Variants in TSPAN14 observed in about 807,000 individuals in gnomAD.
The protein encoded by TSPAN14 is tetraspanin-14.
A neutral mutation model predicts 36.6 loss-of-function variants in TSPAN14; 16 were observed. That is an observed-to-expected ratio of 0.44 (90% CI 0.30 to 0.66). The LOEUF is 0.66. TSPAN14 is among the 30% of genes least tolerant of loss of function. TSPAN14 has a pLI of 0.12. For missense variants in TSPAN14, 231 were observed against 355.1 expected, an observed-to-expected ratio of 0.65 and a Z score of 2.81; for synonymous variants, 139 against 143.8, an observed-to-expected ratio of 0.97 and a Z score of 0.24.
Position 80,480,202 on chromosome 10 carries a change from A to G in TSPAN14, c.-17-9015A>G, listed in dbSNP as rs1279463475. Among the ~76,000 whole-genome samples, 26 of 150,786 alleles carry G rather than the reference A, an allele frequency of 1.7e-4. No individual in the cohort carries two copies. In the East Asian group the frequency reaches 3.9e-3, roughly 22 times the overall value. ...CTTAAGGAGCTTTTGGGCTGAGACA[A>G]TGGGGTTTTCTAGATATACAATCAT... On this transcript the variant is annotated intron_variant, in intron 1 of 8. Transcript: ENST00000429989.
At chr10:80,492,161 C>T (rs1240517636) in intron 2 of TSPAN14, among the ~76,000 whole-genome samples, 1 of 152,132 alleles carries the variant, frequency 6.6e-6, no homozygotes, top group Non-Finnish European at 1.5e-5. Flanking sequence ...AAGTGGAATG[C>T]CCAAGCCCTT....
intron 4 of TSPAN14, among the ~76,000 whole-genome samples, chr10:80,508,619 C>T (rs1006577286): frequency 7.2e-5 from 11 of 152,132 alleles, no homozygotes; most frequent in South Asian, 2.1e-4. Context: ...GGCAGCTGAG[C>T]TTCTGGAGGG....
At position 80,483,950 on chromosome 10, in the gene TSPAN14, A is replaced by C. The variant is rs888881124; in HGVS notation, c.-17-5267A>C. Among the ~76,000 whole-genome samples the C allele has an allele frequency of 3.2e-5, 4 of 125,582 alleles. No homozygotes were observed. The East Asian group carries it at 1.1e-3, about 34-fold the overall frequency. The allele number at this position is 125,582 out of a possible 152,430, so 82.4% of individuals were successfully genotyped here. On this transcript the variant is annotated intron_variant, in intron 1 of 8. Transcript: ENST00000429989. The stretch of plus-strand genomic sequence containing the variant: ...AAAAAAAAAAAAAAAAAAAAAAAAA[A>C]AGTGTAAAATAGGCCAGGCACGGTG...
At position 80,509,650 on chromosome 10, in the gene TSPAN14, G is replaced by A. The variant is rs1039910316; in HGVS notation, c.450+179G>A. 12 of 665,458 alleles carry A rather than the reference G, an allele frequency of 1.8e-5. No homozygotes were observed. The highest frequency in any genetic ancestry group is 2.9e-5 in the Non-Finnish European group (12 of 407,640). The allele number at this position is 665,458 out of a possible 1,614,324, so 41.2% of individuals were successfully genotyped here. On this transcript the variant is annotated intron_variant, in intron 5 of 8. Coordinates refer to ENST00000429989, the Ensembl canonical transcript of TSPAN14. This position sits in a 1 kb window ranked among gnomAD's most constrained non-coding sequence, Gnocchi z 4.7. ...GGTCTGTTCCACTTTGCCGGCTTGT[G>A]GTTGCCTGGTGGGCCAGCCCTTTCC... is the stretch of plus-strand genomic sequence containing the variant.
At chr10:80,508,282 A>AT (rs925317527) in intron 4 of TSPAN14, among the ~76,000 whole-genome samples, 31 of 150,676 alleles carry the variant, frequency 2.1e-4, no homozygotes, top group Non-Finnish European at 2.1e-4. Flanking sequence ...TGCCTGGCTA[A>AT]TTTTTTTTTG....
At chr10:80,516,209 G>A in exon 8 of TSPAN14, 1 of 1,614,226 alleles carries the variant, frequency 6.2e-7, no homozygotes, top group Non-Finnish European at 8.5e-7. Context: ...TGCAGCTGAA[G>A]AGCAAGTGGG....
In TSPAN14 at chr10:80,509,264, G is replaced by T. The variant is rs372755763; in HGVS notation, c.280-37G>T. 11 of 1,599,720 alleles carry T rather than the reference G, an allele frequency of 6.9e-6. No homozygotes were observed. The East Asian group carries it at 2.2e-4, about 32-fold the overall frequency. The stretch of plus-strand genomic sequence containing the variant: ...ATGTGTGTGGGGGTGCAGGCTGGTG[G>T]GGTGGTGACTTCTGCTCCCGTCCCC... On this transcript the variant is annotated intron_variant, in intron 4 of 8. Transcript: ENST00000429989. The surrounding 1 kb of genome is among the most constrained non-coding windows in gnomAD (Gnocchi z 4.7).
intron 1 of TSPAN14, among the ~76,000 whole-genome samples, chr10:80,473,256 G>GAGGTA (rs1846657628): frequency 6.6e-6 from 1 of 152,198 alleles, no homozygotes; most frequent in Non-Finnish European, 1.5e-5. Flanking sequence ...TGACAGCACT[G>GAGGTA]AGGTAGACAG....
chr10:80,458,279 T>G (rs181577466), intron 1 of TSPAN14, among the ~76,000 whole-genome samples: 228 of 152,152 alleles, frequency 1.5e-3, no homozygotes, highest in Middle Eastern at 3.4e-3. Context: ...TGGGATTGAG[T>G]GTGGGGCTAG....
At chr10:80,501,100 A>C (rs1246591510) in intron 2 of TSPAN14, among the ~76,000 whole-genome samples, 1 of 136,286 alleles carries the variant, frequency 7.3e-6, no homozygotes, top group Non-Finnish European at 1.5e-5. Context: ...GATGGAACTG[A>C]CGCTGTTTTT....
intron 2 of TSPAN14, among the ~76,000 whole-genome samples, chr10:80,496,775 TA>T (rs1470479184): frequency 3.3e-5 from 5 of 152,140 alleles, no homozygotes; most frequent in Admixed American, 1.3e-4. Flanking sequence ...TCTTCAATTC[TA>T]ATATTGTAGT....
chr10:80,460,866 C>T (rs1439877913), intron 1 of TSPAN14, among the ~76,000 whole-genome samples: 1 of 152,190 alleles, frequency 6.6e-6, no homozygotes, highest in East Asian at 1.9e-4. Flanking sequence ...CCTGGGCAAA[C>T]CAGTCTGACA....
At position 80,482,413 on chromosome 10, in the gene TSPAN14, A is replaced by C. The variant is rs1181000185; in HGVS notation, c.-17-6804A>C. Among the ~76,000 whole-genome samples the C allele has an allele frequency of 4.0e-5, 6 of 151,106 alleles. No homozygotes were observed. In the East Asian group the frequency reaches 1.2e-3, roughly 29 times the overall value. Reference sequence around the variant, plus strand: ...GCAATTCTCCTGCCTCAACCTCCCGAGTAGCTGGGATTACAGGCGCCCGCC... The same window carrying C: ...GCAATTCTCCTGCCTCAACCTCCCGCGTAGCTGGGATTACAGGCGCCCGCC... On this transcript the variant is annotated intron_variant, in intron 1 of 8. Transcript: ENST00000429989.
At chr10:80,495,271 A>G (rs1368980503) in intron 2 of TSPAN14, among the ~76,000 whole-genome samples, 5 of 152,134 alleles carry the variant, frequency 3.3e-5, no homozygotes, top group Admixed American at 3.3e-4. Flanking sequence ...GCCTGAACAT[A>G]CAGTCAAAAT....
chr10:80,456,230 G>T (rs1294118643), intron 1 of TSPAN14, among the ~76,000 whole-genome samples: 2 of 152,170 alleles, frequency 1.3e-5, no homozygotes, highest in Non-Finnish European at 2.9e-5. Flanking sequence ...TCTCAGCGTA[G>T]CAGGATCATT....
At chr10:80,503,366 C>A (rs1016303164) in intron 2 of TSPAN14, among the ~76,000 whole-genome samples, 1 of 152,246 alleles carries the variant, frequency 6.6e-6, no homozygotes, top group South Asian at 2.1e-4. Flanking sequence ...ATCTGGCACT[C>A]GGGATGTACT....
chr10:80,475,954 A>G (rs1846854012), intron 1 of TSPAN14, among the ~76,000 whole-genome samples: 1 of 152,190 alleles, frequency 6.6e-6, no homozygotes, highest in Non-Finnish European at 1.5e-5. Context: ...TACCCCCTCC[A>G]TTATGCCAAA....
intron 7 of TSPAN14, chr10:80,515,880 C>G (rs1223100593): frequency 7.6e-6 from 2 of 264,396 alleles, no homozygotes; most frequent in African/African-American, 4.4e-5. Flanking sequence ...CATTTTCCTC[C>G]AAGCCTTCAA....
intron 1 of TSPAN14, among the ~76,000 whole-genome samples, chr10:80,471,854 A>G (rs150249615): frequency 5.8e-4 from 88 of 152,272 alleles, no homozygotes; most frequent in South Asian, 1.2e-3. Context: ...GGTGCAGTTG[A>G]ATGAGCTGCC....
Sources: gnomAD v4.1 joint callset for allele counts (sites outside exome capture counted in the v4.1 genomes callset) on GRCh38, gnomAD v4.1.1 for gene constraint, Gnocchi (gnomAD v3.1) non-coding constraint, MANE v1.5 for transcripts, NCBI Gene and HGNC (gene_info 2026-07-23, HGNC 2026-07-21) for gene names.